IMPG1: variants seen among roughly 807,000 people sequenced by gnomAD.
IMPG1 encodes the protein interphotoreceptor matrix proteoglycan of 150 kDa.
A neutral mutation model predicts 92.0 loss-of-function variants in IMPG1; 85 were observed. The ratio of observed to expected loss-of-function variants is 0.92; its 90% confidence interval spans 0.78 to 1.11. IMPG1 has a LOEUF of 1.11. Ranked by LOEUF, IMPG1 falls within the 50% of genes least tolerant of loss-of-function variation. The pLI is 0.00. For missense variants in IMPG1, 1,022 were observed against 956.0 expected (o/e 1.07, Z -0.91); for synonymous variants, 367 against 334.1 (o/e 1.10, Z -1.08).
chr6:76,071,280 T>G (rs961617061), intron 1 of IMPG1, among the ~76,000 whole-genome samples: 4 of 150,150 alleles, frequency 2.7e-5, no homozygotes, highest in African/African-American at 9.7e-5. Context: ...TAACAAAAAA[T>G]TTAACACAGC....
chr6:76,022,132 G>A lies in IMPG1; in HGVS notation c.650C>T (p.Thr217Ile), dbSNP rs139704194. The change falls in exon 6 of 17, where the codon ACC (threonine) becomes ATC (isoleucine). Residue 217 changes from threonine to isoleucine, a missense_variant. Around this residue, in one of 3 missense-constraint regions of IMPG1, gnomAD observed 681 missense variants for 583.6 expected, o/e 1.17. Coordinates refer to ENST00000369950, the MANE Select transcript of IMPG1 (RefSeq NM_001563.4). The part of the protein sequence containing the change: ...NEILDNTLND[T>I]KMPTTERETE... ...ACTTCTTACTGTTGTAGGCATCTTG[G>A]TGTCGTTGAGTGTATTATCGAGAAT... 3.2e-4 allele frequency: 506 copies of A among 1,581,926 alleles called. 8 individuals are homozygous for A. In the East Asian group the frequency reaches 0.01, roughly 33 times the overall value.
intron 7 of IMPG1, among the ~76,000 whole-genome samples, chr6:76,015,819 A>AAG (rs1783276855): frequency 6.6e-6 from 1 of 150,808 alleles, no homozygotes; most frequent in Non-Finnish European, 1.5e-5. Flanking sequence ...AAAAAAAAAA[A>AAG]AAAAAGAAAG....
chr6:76,056,844 T>A (rs1443108705), intron 1 of IMPG1, among the ~76,000 whole-genome samples: 6 of 152,134 alleles, frequency 3.9e-5, no homozygotes, highest in Admixed American at 3.9e-4. Flanking sequence ...TTGGGTCCTT[T>A]GCCCATTTAA....
chr6:75,991,278 C>G (rs1016246206), intron 12 of IMPG1, among the ~76,000 whole-genome samples: 1 of 152,036 alleles, frequency 6.6e-6, no homozygotes, highest in African/African-American at 2.4e-5. Flanking sequence ...GCAGTCCCAG[C>G]TACTCAGGAG....
chr6:75,923,715 G>A lies in IMPG1; in HGVS notation c.2244-9C>T, dbSNP rs1326814917. ...CAGAGTGATCTGGCAACCTACAAAA[G>A]AAAGCAAAAACATAGTATCTTGTTT... is the stretch of plus-strand genomic sequence containing the variant. On this transcript the variant is annotated splice_polypyrimidine_tract_variant and intron_variant, in intron 15 of 16. Coordinates refer to ENST00000369950, the MANE Select transcript of IMPG1 (RefSeq NM_001563.4). 2 of 1,560,112 alleles carry A rather than the reference G, an allele frequency of 1.3e-6. No homozygotes were observed. Among genetic ancestry groups the A allele is most frequent in the South Asian group, 2.3e-5 (2 of 88,544 alleles).
chr6:75,930,710 G>A (rs1034764416), intron 15 of IMPG1, among the ~76,000 whole-genome samples: 1 of 152,166 alleles, frequency 6.6e-6, no homozygotes, highest in African/African-American at 2.4e-5. Context: ...TTCTCAAAGT[G>A]GGGTCCTAGG....
intron 2 of IMPG1, among the ~76,000 whole-genome samples, chr6:76,035,552 T>G (rs1399305015): frequency 6.7e-6 from 1 of 150,240 alleles, no homozygotes; most frequent in Non-Finnish European, 1.5e-5. Flanking sequence ...GAACACAGAT[T>G]GTGTAGGGTT....
At chr6:76,051,008 A>T (rs947931484) in intron 1 of IMPG1, among the ~76,000 whole-genome samples, 2 of 152,224 alleles carry the variant, frequency 1.3e-5, no homozygotes, top group African/African-American at 4.8e-5. Flanking sequence ...CAGAGACAAA[A>T]TTCACTGTAA....
chr6:76,060,943 T>C (rs894320601), intron 1 of IMPG1, among the ~76,000 whole-genome samples: 2 of 152,182 alleles, frequency 1.3e-5, no homozygotes, highest in African/African-American at 2.4e-5. Context: ...TTGCTTCAGA[T>C]GAATTATTTT....
chr6:75,953,045 A>C (rs189958217), intron 12 of IMPG1, among the ~76,000 whole-genome samples: 85 of 152,172 alleles, frequency 5.6e-4, no homozygotes, highest in Non-Finnish European at 1.0e-3. Context: ...TTTTTGTGTC[A>C]TGGGAAATGC....
At chr6:76,022,458 T>C (rs1051197802) in intron 5 of IMPG1, among the ~76,000 whole-genome samples, 1 of 152,218 alleles carries the variant, frequency 6.6e-6, no homozygotes, top group African/African-American at 2.4e-5. Context: ...CCTGTATGTG[T>C]TATACTTAAA....
At chr6:75,993,601 C>A (rs1318156513) in intron 12 of IMPG1, among the ~76,000 whole-genome samples, 1 of 152,122 alleles carries the variant, frequency 6.6e-6, no homozygotes, top group African/African-American at 2.4e-5. Flanking sequence ...AATTACATCC[C>A]AAAGGCTCTT....
chr6:75,967,759 C>T (rs1422072649), intron 12 of IMPG1, among the ~76,000 whole-genome samples: 1 of 152,156 alleles, frequency 6.6e-6, no homozygotes, highest in Non-Finnish European at 1.5e-5. Flanking sequence ...ATGCTAGTGT[C>T]ATGTTTATTG....
At chr6:75,991,655 A>G (rs1782814998) in intron 12 of IMPG1, among the ~76,000 whole-genome samples, 1 of 152,164 alleles carries the variant, frequency 6.6e-6, no homozygotes, top group Admixed American at 6.5e-5. Flanking sequence ...TATTGAGTGC[A>G]TATTTCCTGT....
At chr6:75,939,082 A>C (rs541887273) in intron 14 of IMPG1, among the ~76,000 whole-genome samples, 2 of 152,142 alleles carry the variant, frequency 1.3e-5, no homozygotes, top group Admixed American at 6.5e-5. Context: ...CAAGCAATCC[A>C]CCTGCCTTAG....
chr6:76,033,623 A>G (rs1783687741), intron 4 of IMPG1, among the ~76,000 whole-genome samples: 2 of 152,366 alleles, frequency 1.3e-5, no homozygotes, highest in Middle Eastern at 3.4e-3. Context: ...ATAGAAACAA[A>G]GGGATAAATG....
intron 12 of IMPG1, among the ~76,000 whole-genome samples, chr6:75,985,174 G>T (rs1159159340): frequency 6.6e-6 from 1 of 152,108 alleles, no homozygotes; most frequent in Admixed American, 6.6e-5. Context: ...CCTGATATTT[G>T]TGATTTTGGT....
intron 7 of IMPG1, among the ~76,000 whole-genome samples, chr6:76,012,420 A>T (rs894946142): frequency 6.6e-6 from 1 of 152,180 alleles, no homozygotes; most frequent in East Asian, 1.9e-4. Flanking sequence ...ACTTAAACAT[A>T]AGGAGCCTTC....
In IMPG1 at chr6:75,971,764, G is replaced by C. The variant is rs559816589; in HGVS notation, c.1292-20670C>G. ...TCTATATTGTCTTTGCAACCTCTTA[G>C]TGGTAGAATATTTACAGTAGTGCAA... On this transcript the variant is annotated intron_variant, in intron 12 of 16. Transcript: ENST00000369950. Among the ~76,000 whole-genome samples the C allele has an allele frequency of 9.2e-5, 14 of 152,272 alleles. No individual in the cohort carries two copies. The South Asian group carries it at 2.9e-3, about 32-fold the overall frequency.
Sources: allele counts gnomAD v4.1 joint callset (sites outside exome capture counted in the v4.1 genomes callset), GRCh38; gene constraint gnomAD v4.1.1; regional missense constraint gnomAD v4.1.1; transcripts MANE v1.5; gene names NCBI Gene and HGNC (gene_info 2026-07-23, HGNC 2026-07-21).